The following FHOD3 variants were observed in gnomAD, a reference collection of about 807,000 sequenced individuals.
The protein encoded by FHOD3 is FH1/FH2 domain-containing protein 3.
FHOD3 carries 90 observed loss-of-function variants against 173.0 expected under a neutral mutation model. The observed-to-expected ratio is 0.52, with a 90% CI of 0.44 to 0.62. The LOEUF (loss-of-function observed/expected upper bound fraction) is 0.62. Ranked by LOEUF, FHOD3 falls within the 20% of genes least tolerant of loss-of-function variation. The probability of loss-of-function intolerance (pLI) is 0.00; values close to 1 mark genes in which losing one functional copy is unlikely to be tolerated. For missense variants in FHOD3, 1,945 were observed against 2,034.7 expected (o/e 0.96, Z 0.85); for synonymous variants, 828 against 823.0 (o/e 1.01, Z -0.10).
At chr18:36,622,480 G>A (rs145095411) in intron 9 of FHOD3, among the ~76,000 whole-genome samples, 110 of 152,312 alleles carry the variant, frequency 7.2e-4, no homozygotes, top group African/African-American at 2.3e-3. Context: ...TGTGTAAGCC[G>A]TCAGGGCTGG....
At chr18:36,755,553 T>C (rs2042598241) in intron 25 of FHOD3, among the ~76,000 whole-genome samples, 1 of 152,078 alleles carries the variant, frequency 6.6e-6, no homozygotes, top group African/African-American at 2.4e-5. Context: ...AAGAGGAACA[T>C]GGAACCCATT....
At chr18:36,428,495 C>A (rs1176009443) in intron 3 of FHOD3, among the ~76,000 whole-genome samples, 1 of 152,092 alleles carries the variant, frequency 6.6e-6, no homozygotes, top group Non-Finnish European at 1.5e-5. Flanking sequence ...TGCAAGGATG[C>A]AGGGGTGTCG....
intron 5 of FHOD3, among the ~76,000 whole-genome samples, chr18:36,530,026 G>C (rs948796836): frequency 1.3e-5 from 2 of 151,600 alleles, no homozygotes; most frequent in African/African-American, 2.4e-5. Flanking sequence ...TTGGTCATGG[G>C]GGGTGGGAAC....
intron 11 of FHOD3, 103 bp from the exon 12 acceptor site, chr18:36,652,467 A>T: frequency 7.6e-7 from 1 of 1,315,030 alleles, no homozygotes; most frequent in Non-Finnish European, 1.0e-6. Context: ...GAGTGATAAT[A>T]GTACAGAAGT....
chr18:36,570,795 G>A (rs1036422756), intron 5 of FHOD3, among the ~76,000 whole-genome samples: 4 of 152,212 alleles, frequency 2.6e-5, no homozygotes, highest in Admixed American at 6.5e-5. Context: ...TGTAGAAGAA[G>A]CATTTGACAA....
At chr18:36,329,660 G>A (rs1168430835) in intron 1 of FHOD3, among the ~76,000 whole-genome samples, 3 of 152,176 alleles carry the variant, frequency 2.0e-5, no homozygotes, top group African/African-American at 7.2e-5. Flanking sequence ...ATGAGTTTCA[G>A]CTGTGAAGAA....
chr18:36,369,592 C>T (rs757812994), intron 2 of FHOD3, among the ~76,000 whole-genome samples: 20 of 150,788 alleles, frequency 1.3e-4, no homozygotes, highest in Non-Finnish European at 1.8e-4. Context: ...AGAAGACTTA[C>T]GTATATGTGT....
chr18:36,440,127 C>T (rs998585353), intron 3 of FHOD3, among the ~76,000 whole-genome samples: 14 of 152,146 alleles, frequency 9.2e-5, no homozygotes, highest in Admixed American at 2.0e-4. Context: ...AGGTCTGTAC[C>T]GGTAGGACCA....
At chr18:36,476,708 T>C (rs2053594499) in intron 3 of FHOD3, among the ~76,000 whole-genome samples, 1 of 152,154 alleles carries the variant, frequency 6.6e-6, no homozygotes, top group Non-Finnish European at 1.5e-5. Flanking sequence ...TGGAAGCAAA[T>C]TGAATTATAC....
chr18:36,400,945 G>A (rs1159874737), intron 3 of FHOD3, among the ~76,000 whole-genome samples: 5 of 152,158 alleles, frequency 3.3e-5, no homozygotes, highest in African/African-American at 9.7e-5. Context: ...GGAAAGTGTC[G>A]GTTGCTGGCT....
At chr18:36,327,432 T>A (rs2044729213) in intron 1 of FHOD3, among the ~76,000 whole-genome samples, 1 of 152,254 alleles carries the variant, frequency 6.6e-6, no homozygotes, top group Non-Finnish European at 1.5e-5. Flanking sequence ...GCAATTACTT[T>A]TGCACCCATC....
chr18:36,528,752 A>T (rs556834061), intron 5 of FHOD3, among the ~76,000 whole-genome samples: 1 of 152,344 alleles, frequency 6.6e-6, no homozygotes, highest in East Asian at 1.9e-4. Context: ...AAAGAAGAAC[A>T]TGGTTGTTAG....
chr18:36,594,265 A>G (rs565772238), intron 6 of FHOD3, among the ~76,000 whole-genome samples: 10 of 152,130 alleles, frequency 6.6e-5, no homozygotes, highest in African/African-American at 2.2e-4. Flanking sequence ...TAGGGGTTCT[A>G]TGGCTCCAGG....
chr18:36,564,413 G>A (rs2058195368), intron 5 of FHOD3, among the ~76,000 whole-genome samples: 2 of 152,158 alleles, frequency 1.3e-5, no homozygotes, highest in African/African-American at 4.8e-5. Flanking sequence ...TGTAGAACGG[G>A]AAAGACTGGG....
intron 5 of FHOD3, among the ~76,000 whole-genome samples, chr18:36,545,785 T>C (rs993560835): frequency 4.6e-5 from 7 of 152,250 alleles, no homozygotes; most frequent in African/African-American, 1.7e-4. Flanking sequence ...TGAAATGAAC[T>C]GTTGAATTGT....
At chr18:36,726,347 T>C (rs1354655403) in intron 19 of FHOD3, among the ~76,000 whole-genome samples, 1 of 152,128 alleles carries the variant, frequency 6.6e-6, no homozygotes, top group African/African-American at 2.4e-5. Flanking sequence ...GTTTCCTTGT[T>C]TGGGTATTTT....
At chr18:36,437,356 A>G (rs2143510928) in intron 3 of FHOD3, among the ~76,000 whole-genome samples, 1 of 152,300 alleles carries the variant, frequency 6.6e-6, no homozygotes, top group Non-Finnish European at 1.5e-5. Context: ...GTGCTACAAC[A>G]AAACATGAGA....
At chr18:36,726,921 C>T (rs1159777720) in intron 19 of FHOD3, among the ~76,000 whole-genome samples, 1 of 152,228 alleles carries the variant, frequency 6.6e-6, no homozygotes, top group Non-Finnish European at 1.5e-5. Flanking sequence ...GATCTGCCCA[C>T]CTCGGCCTCC....
intron 14 of FHOD3, among the ~76,000 whole-genome samples, chr18:36,661,503 A>G (rs1268457563): frequency 6.6e-6 from 1 of 152,142 alleles, no homozygotes; most frequent in Non-Finnish European, 1.5e-5. Context: ...ACTAATAAAC[A>G]TTGTGCCTGA....
Sources: allele counts gnomAD v4.1 joint callset (sites outside exome capture counted in the v4.1 genomes callset), GRCh38; gene constraint gnomAD v4.1.1; transcripts MANE v1.5; gene names NCBI Gene and HGNC (gene_info 2026-07-23, HGNC 2026-07-21).